SUMF1: variants seen among roughly 807,000 people sequenced by gnomAD.
The protein encoded by SUMF1 is formylglycine-generating enzyme.
Under a neutral mutation model 47.6 loss-of-function variants are expected in SUMF1, and 48 were observed. That is an observed-to-expected ratio of 1.01 (90% CI 0.80 to 1.28). The LOEUF (loss-of-function observed/expected upper bound fraction) is 1.28. Among genes scored for constraint, SUMF1 ranks in the 50% most tolerant of loss-of-function variants. SUMF1 has a pLI of 0.00. For missense variants in SUMF1, 571 were observed against 485.4 expected (o/e 1.18, Z -1.66); for synonymous variants, 230 against 192.1 (o/e 1.20, Z -1.63).
intron 6 of SUMF1, 95 bp from the exon 7 acceptor site, chr3:4,411,073 G>A: frequency 2.0e-6 from 2 of 1,010,626 alleles, no homozygotes; most frequent in Non-Finnish European, 1.6e-6. Flanking sequence ...TAATTTCAGA[G>A]TATGAATGTT....
intron 8 of SUMF1, among the ~76,000 whole-genome samples, chr3:4,133,429 C>T (rs1042809018): frequency 6.6e-6 from 1 of 152,178 alleles, no homozygotes; most frequent in Admixed American, 6.5e-5. Context: ...ATAGTTAATA[C>T]TAAGTGTCAA....
At chr3:4,142,973 T>C (rs1453471594) in intron 8 of SUMF1, among the ~76,000 whole-genome samples, 3 of 152,082 alleles carry the variant, frequency 2.0e-5, no homozygotes, top group East Asian at 1.9e-4. Context: ...TCAATAGAAA[T>C]GTGAAAGCAG....
chr3:4,390,210 G>C (rs535800338), intron 7 of SUMF1, among the ~76,000 whole-genome samples: 8 of 152,266 alleles, frequency 5.3e-5, no homozygotes. Context: ...CGATTCAGAA[G>C]GGACCCCTCA....
At chr3:4,086,195 T>G (rs1692667021) in intron 8 of SUMF1, among the ~76,000 whole-genome samples, 1 of 150,732 alleles carries the variant, frequency 6.6e-6, no homozygotes, top group South Asian at 2.1e-4. Flanking sequence ...AGCCCTGCAG[T>G]GTTTATACAC....
intron 8 of SUMF1, among the ~76,000 whole-genome samples, chr3:4,256,287 G>A (rs1696952028): frequency 1.1e-5 from 1 of 95,100 alleles, no homozygotes. Context: ...GAAGGAAATA[G>A]AGACACAAAA....
intron 8 of SUMF1, among the ~76,000 whole-genome samples, chr3:4,165,597 C>G (rs1165140895): frequency 6.6e-6 from 1 of 152,208 alleles, no homozygotes; most frequent in East Asian, 1.9e-4. Flanking sequence ...AGGTATTTCA[C>G]TCCATTTGCC....
intron 8 of SUMF1, among the ~76,000 whole-genome samples, chr3:4,156,447 A>G (rs979587685): frequency 6.6e-6 from 1 of 151,430 alleles, no homozygotes; most frequent in Non-Finnish European, 1.5e-5. Flanking sequence ...GTTCCCCACT[A>G]TATCTTCAAT....
At chr3:4,315,142 A>C (rs1698584811) in intron 8 of SUMF1, among the ~76,000 whole-genome samples, 1 of 152,160 alleles carries the variant, frequency 6.6e-6, no homozygotes, top group Non-Finnish European at 1.5e-5. Context: ...TAGTATCAAA[A>C]ATTTTCCTCC....
intron 8 of SUMF1, among the ~76,000 whole-genome samples, chr3:4,179,989 A>T (rs541030490): frequency 6.6e-6 from 1 of 152,206 alleles, no homozygotes; most frequent in Non-Finnish European, 1.5e-5. Flanking sequence ...GAAAACCACA[A>T]TGAGATACCA....
intron 8 of SUMF1, among the ~76,000 whole-genome samples, chr3:4,347,049 C>A (rs1419921123): frequency 6.6e-6 from 1 of 152,082 alleles, no homozygotes; most frequent in African/African-American, 2.4e-5. Flanking sequence ...TAATAGCCTA[C>A]CAACTAAAAA....
At chr3:4,087,600 G>C (rs1692698608) in intron 8 of SUMF1, among the ~76,000 whole-genome samples, 1 of 152,040 alleles carries the variant, frequency 6.6e-6, no homozygotes, top group Admixed American at 6.6e-5. Context: ...TAAAGTTTTA[G>C]AAGTCTCTTT....
chr3:4,174,718 A>G (rs1694919632), intron 8 of SUMF1, among the ~76,000 whole-genome samples: 1 of 152,114 alleles, frequency 6.6e-6, no homozygotes, highest in Non-Finnish European at 1.5e-5. Context: ...GGGTGAGCCA[A>G]AGCAGGATGG....
intron 8 of SUMF1, among the ~76,000 whole-genome samples, chr3:4,296,905 G>C (rs1245434003): frequency 6.6e-6 from 1 of 152,112 alleles, no homozygotes; most frequent in Non-Finnish European, 1.5e-5. Context: ...TAATAATATA[G>C]TTATGTAATG....
chr3:4,367,647 A>G (rs1486649493), intron 8 of SUMF1, among the ~76,000 whole-genome samples: 2 of 152,156 alleles, frequency 1.3e-5, no homozygotes, highest in Non-Finnish European at 2.9e-5. Context: ...GATATAGATC[A>G]ATGGAACAGA....
chr3:4,242,070 T>A (rs1399368644), intron 8 of SUMF1, among the ~76,000 whole-genome samples: 4 of 152,186 alleles, frequency 2.6e-5, no homozygotes, highest in African/African-American at 9.7e-5. Flanking sequence ...ATCCTTGCCC[T>A]CTGTTTGCCT....
intron 8 of SUMF1, among the ~76,000 whole-genome samples, chr3:4,271,318 C>T (rs997443284): frequency 6.6e-6 from 1 of 152,144 alleles, no homozygotes; most frequent in Non-Finnish European, 1.5e-5. Flanking sequence ...TTGGGCCAAC[C>T]ACTCCATGTC....
At chr3:4,462,595 A>G (rs569007131) in intron 1 of SUMF1, among the ~76,000 whole-genome samples, 1 of 152,210 alleles carries the variant, frequency 6.6e-6, no homozygotes, top group Non-Finnish European at 1.5e-5. Context: ...AAATAGAATC[A>G]GCTCATACGT....
rs147205082 is a variant in SUMF1, at chr3:4,405,284, G to T, written c.954+5581C>A. Among the ~76,000 whole-genome samples the T allele has an allele frequency of 3.3e-5, 5 of 152,350 alleles. No individual in the cohort carries two copies. The East Asian group carries it at 9.6e-4, about 29-fold the overall frequency. On this transcript the variant is annotated intron_variant, in intron 7 of 8. Transcript: ENST00000272902. ...TATGTGCCCCAAATGTACTTAATGT[G>T]CTATGTGTGGATAGGCAAGAGCTCA...
intron 8 of SUMF1, among the ~76,000 whole-genome samples, chr3:4,135,324 A>C (rs1574914316): frequency 6.6e-6 from 1 of 152,112 alleles, no homozygotes; most frequent in Admixed American, 6.6e-5. Flanking sequence ...TCAACATATG[A>C]AAATCAATAA....
Sources: allele counts gnomAD v4.1 joint callset (sites outside exome capture counted in the v4.1 genomes callset), GRCh38; gene constraint gnomAD v4.1.1; transcripts MANE v1.5; gene names NCBI Gene and HGNC (gene_info 2026-07-23, HGNC 2026-07-21).